FCRL5: variants seen among roughly 807,000 people sequenced by gnomAD.
The protein encoded by FCRL5 is Fc receptor-like protein 5.
In FCRL5, 79 loss-of-function variants were observed where a neutral mutation model predicts 92.1. The observed-to-expected ratio is 0.86, with a 90% confidence interval of 0.72 to 1.03. The LOEUF (loss-of-function observed/expected upper bound fraction) is 1.03. Ranked by LOEUF, FCRL5 falls within the 50% of genes least tolerant of loss-of-function variation. FCRL5 has a pLI of 0.00. For missense variants in FCRL5, 1,160 were observed against 1,181.1 expected (o/e 0.98, Z 0.26); for synonymous variants, 466 against 469.3 (o/e 0.99, Z 0.09).
Position 157,521,232 on chromosome 1 carries a change from T to TC in FCRL5, c.2299dup (p.Asp767GlyfsTer8). 2.5e-6 allele frequency: 4 copies of TC among 1,613,470 alleles called. No homozygotes were observed. Among genetic ancestry groups the TC allele is most frequent in the Non-Finnish European group, 2.5e-6 (3 of 1,179,886 alleles). ...GGCCTCACAGTGAAGCTCCAGCAGG[T>TC]CCCCCACCGCAGCATGGGTCCCGGG... On this transcript the variant is annotated frameshift_variant, in exon 11 of 17. Coordinates refer to ENST00000361835, the MANE Select transcript of FCRL5 (RefSeq NM_031281.3). LOFTEE classifies it high-confidence loss of function.
chr1:157,545,177 T>C (rs1651472539), intron 3 of FCRL5, 95 bp from the exon 4 acceptor site: 1 of 1,391,098 alleles, frequency 7.2e-7, no homozygotes. Context: ...AAAAAATGGG[T>C]TGGGAAAAAG....
intron 8 of FCRL5, 66 bp from the exon 9 acceptor site, chr1:157,527,961 CA>C (rs1408051654): frequency 1.4e-6 from 2 of 1,447,136 alleles, no homozygotes; most frequent in African/African-American, 2.8e-5. Flanking sequence ...TTGTCCTAGC[CA>C]GAACAATCAG....
intron 3 of FCRL5, among the ~76,000 whole-genome samples, chr1:157,546,034 G>A (rs1651517479): frequency 6.6e-6 from 1 of 152,198 alleles, no homozygotes; most frequent in Non-Finnish European, 1.5e-5. Flanking sequence ...GGACAAGGAA[G>A]GAAATGTCTC....
intron 2 of FCRL5, among the ~76,000 whole-genome samples, chr1:157,548,051 C>T (rs1204014312): frequency 6.6e-6 from 1 of 152,212 alleles, no homozygotes; most frequent in Non-Finnish European, 1.5e-5. Context: ...TTTTCTGGCT[C>T]GCTGATTGAG....
chr1:157,528,359 G>A (rs1650534662), intron 8 of FCRL5: 1 of 152,330 alleles, frequency 6.6e-6, no homozygotes, highest in African/African-American at 2.4e-5. Flanking sequence ...TGGATGGGTA[G>A]AATCAATATT....
chr1:157,518,532 G>A (rs1325860206), intron 14 of FCRL5, 35 bp from the exon 15 acceptor site: 3 of 1,577,004 alleles, frequency 1.9e-6, no homozygotes, highest in Non-Finnish European at 2.6e-6. Context: ...AGGATGCTGA[G>A]GTTCTTGCCT....
At chr1:157,532,250 C>T (rs1315992357) in intron 8 of FCRL5, 3 of 151,894 alleles carry the variant, frequency 2.0e-5, no homozygotes, top group African/African-American at 2.4e-5. Flanking sequence ...GTCCTAACAT[C>T]TATGCTTGCG....
rs143158449 is a variant in FCRL5, at chr1:157,524,499, C to T, written c.2019G>A (p.Gly673=). Residue 673 remains glycine, a synonymous_variant, in exon 10 of 17, where the codon GGG becomes GGA. Coordinates refer to ENST00000361835, the MANE Select transcript of FCRL5 (RefSeq NM_031281.3). ...FRAPRAQAVV[G]DLLELHCEAL... The stretch of plus-strand genomic sequence containing the variant: ...CCTCACAGTGAAGCTCCAGCAGGTC[C>T]CCCACCACAGCCTGGGCCCTGGGAG... 24 of 1,613,932 alleles carry T rather than the reference C, an allele frequency of 1.5e-5. No individual in the cohort carries two copies. The highest frequency in any genetic ancestry group is 1.1e-5 in the Non-Finnish European group (13 of 1,179,922).
At chr1:157,545,439 C>T (rs1651485851) in intron 3 of FCRL5, among the ~76,000 whole-genome samples, 1 of 151,690 alleles carries the variant, frequency 6.6e-6, no homozygotes, top group Non-Finnish European at 1.5e-5. Flanking sequence ...GAACACTTTC[C>T]TACATCATTA....
At chr1:157,530,254 A>G (rs1298727294) in intron 8 of FCRL5, among the ~76,000 whole-genome samples, 2 of 152,232 alleles carry the variant, frequency 1.3e-5, no homozygotes, top group Non-Finnish European at 2.9e-5. Context: ...TATTACTTAA[A>G]AATCTACATC....
Position 157,515,645 on chromosome 1 carries a change from C to T in FCRL5, c.*30G>A. ...CAAGGGGAACTTTGGGGTGCAGAGG[C>T]TGAAACAGCAGTTGGAGAGACGTGT... is the stretch of plus-strand genomic sequence containing the variant. On this transcript the variant is annotated 3_prime_UTR_variant, in exon 17 of 17. Coordinates refer to ENST00000361835, the MANE Select transcript of FCRL5 (RefSeq NM_031281.3). The T allele has an allele frequency of 6.2e-7, 1 of 1,614,198 alleles. No homozygotes were observed. The highest frequency in any genetic ancestry group is 8.5e-7 in the Non-Finnish European group (1 of 1,180,042).
At chr1:157,517,598 T>C (rs6692977) in intron 15 of FCRL5, among the ~76,000 whole-genome samples, 103,202 of 151,956 alleles carry the variant, frequency 0.68, 35,372 homozygotes, top group East Asian at 0.91. Flanking sequence ...GGGACATGGG[T>C]GCAGGAAAGT....
chr1:157,546,867 A>G (rs543015729), intron 3 of FCRL5, 76 bp downstream of exon 3: 31 of 1,534,444 alleles, frequency 2.0e-5, no homozygotes, highest in Non-Finnish European at 2.7e-5. Context: ...GGTCTGAGGT[A>G]AACAGTAATA....
At chr1:157,549,432 T>C in intron 2 of FCRL5, 128 bp downstream of exon 2, 1 of 847,814 alleles carries the variant, frequency 1.2e-6, no homozygotes, top group Non-Finnish European at 1.8e-6. Context: ...ACTTAAAGTA[T>C]AATAAAAAAA....
intron 9 of FCRL5, among the ~76,000 whole-genome samples, chr1:157,525,592 G>A (rs538193445): frequency 6.6e-6 from 1 of 152,168 alleles, no homozygotes; most frequent in Admixed American, 6.5e-5. Context: ...TGCATGAAAT[G>A]GACTGTGGTG....
rs759211282 is a variant in FCRL5 at position 157,543,120 on chromosome 1, C to A, written c.862G>T (p.Val288Phe). 1 of 1,614,036 alleles carries A rather than the reference C, an allele frequency of 6.2e-7. No homozygotes were observed. Among genetic ancestry groups the A allele is most frequent in the Non-Finnish European group, 8.5e-7 (1 of 1,179,966 alleles). Residue 288 changes from valine to phenylalanine, a missense_variant, in exon 6 of 17, where the codon GTC (valine) becomes TTC (phenylalanine). By Grantham distance (50) the Val-to-Phe change is conservative. Transcript: ENST00000361835. ...GCCTTTTCAGGGCTGAGAGTGAGGACAGGATGAGATGCAGGGACTGAGCAA... is the reference window on the plus strand; with the variant it reads ...GCCTTTTCAGGGCTGAGAGTGAGGAAAGGATGAGATGCAGGGACTGAGCAA... ...IQVQIPASHPVLTLSPEKALN... is the reference protein window; with the variant it reads ...IQVQIPASHPFLTLSPEKALN...
At chr1:157,535,517 C>T (rs1167316477) in intron 7 of FCRL5, among the ~76,000 whole-genome samples, 1 of 152,170 alleles carries the variant, frequency 6.6e-6, no homozygotes, top group Non-Finnish European at 1.5e-5. Context: ...CATTTATCAT[C>T]TCTACTTCTT....
Position 157,520,414 on chromosome 1 carries a change from T to G in FCRL5, c.2632+17A>C. 2 of 1,545,908 alleles carry G rather than the reference T, an allele frequency of 1.3e-6. No individual in the cohort carries two copies. Among genetic ancestry groups the G allele is most frequent in the Non-Finnish European group, 1.8e-6 (2 of 1,133,800 alleles). ...AAGGGCATGAACTCAAGCCAAGGTG[T>G]GCCCAGAGTCACCCACCTGCTTTTC... On this transcript the variant is annotated intron_variant, in intron 12 of 16. Coordinates refer to ENST00000361835, the MANE Select transcript of FCRL5 (RefSeq NM_031281.3).
At position 157,519,816 on chromosome 1, in the gene FCRL5, C is replaced by T. The variant is rs1253948347; in HGVS notation, c.2633-46G>A. 6 of 1,595,678 alleles carry T rather than the reference C, an allele frequency of 3.8e-6. No individual in the cohort carries two copies. The African/African-American group carries it at 8.1e-5, about 21-fold the overall frequency. On this transcript the variant is annotated intron_variant, in intron 12 of 16. Coordinates refer to ENST00000361835, the MANE Select transcript of FCRL5 (RefSeq NM_031281.3). ...GCATTGGATTCAGGAAGATGAGACC[C>T]TCAGTGGGGCACAGCTCAGGCAAGG...
Sources: gnomAD v4.1 joint callset for allele counts (sites outside exome capture counted in the v4.1 genomes callset) on GRCh38, gnomAD v4.1.1 for gene constraint, MANE v1.5 for transcripts, NCBI Gene and HGNC (gene_info 2026-07-23, HGNC 2026-07-21) for gene names.